The following SLC35F3 variants were observed in gnomAD, a reference collection of about 807,000 sequenced individuals.
The protein encoded by SLC35F3 is putative thiamine transporter SLC35F3.
A neutral mutation model predicts 49.9 loss-of-function variants in SLC35F3; 25 were observed. The observed-to-expected ratio is 0.50, with a 90% confidence interval of 0.37 to 0.70. The LOEUF (loss-of-function observed/expected upper bound fraction) is 0.70, where lower values mean the gene tolerates loss of function less well. Ranked by LOEUF, SLC35F3 falls within the 30% of genes least tolerant of loss-of-function variation. The pLI, the probability that SLC35F3 is intolerant of heterozygous loss-of-function variation, is 0.00. For synonymous variants in SLC35F3, 275 were observed against 265.4 expected (o/e 1.04, Z -0.35); for missense variants, 525 against 639.8 (o/e 0.82, Z 1.94).
chr1:234,298,140 G>T (rs561954), intron 3 of SLC35F3, among the ~76,000 whole-genome samples: 24,595 of 151,926 alleles, frequency 0.16, 2,117 homozygotes, highest in African/African-American at 0.2. Flanking sequence ...ATAAAGACAG[G>T]TTTTTTTTGA....
chr1:233,991,801 T>G (rs527454360), intron 2 of SLC35F3, among the ~76,000 whole-genome samples: 2 of 152,222 alleles, frequency 1.3e-5, no homozygotes, highest in South Asian at 4.1e-4. Context: ...CTTTTCATCA[T>G]CATCATCAGC....
intron 2 of SLC35F3, among the ~76,000 whole-genome samples, chr1:234,025,290 A>T (rs1327736679): frequency 6.6e-6 from 1 of 152,228 alleles, no homozygotes; most frequent in African/African-American, 2.4e-5. Context: ...ATAAGTGCAT[A>T]TGTCCTTTTG....
At chr1:234,091,489 G>A (rs1389685892) in intron 2 of SLC35F3, among the ~76,000 whole-genome samples, 1 of 152,172 alleles carries the variant, frequency 6.6e-6, no homozygotes, top group Non-Finnish European at 1.5e-5. Context: ...ACTTCTCTGA[G>A]ACCAGGGTGG....
intron 2 of SLC35F3, among the ~76,000 whole-genome samples, chr1:233,955,787 CGG>C (rs370602645): frequency 1.6e-4 from 19 of 121,826 alleles, no homozygotes; most frequent in African/African-American, 5.1e-4. Flanking sequence ...TTTTTTGAGA[CGG>C]AGTTTTGGTC....
At chr1:234,052,329 T>C (rs1345692141) in intron 2 of SLC35F3, among the ~76,000 whole-genome samples, 1 of 152,238 alleles carries the variant, frequency 6.6e-6, no homozygotes, top group Admixed American at 6.5e-5. Flanking sequence ...GTTATTGGTC[T>C]ATTCAGGGAT....
chr1:234,002,089 T>C (rs752412231), intron 2 of SLC35F3, among the ~76,000 whole-genome samples: 6 of 152,084 alleles, frequency 3.9e-5, no homozygotes, highest in Non-Finnish European at 8.8e-5. Flanking sequence ...GAACAGAGAG[T>C]CTTGCACCTC....
intron 2 of SLC35F3, among the ~76,000 whole-genome samples, chr1:233,960,938 C>T (rs571022024): frequency 2.0e-5 from 3 of 147,148 alleles, no homozygotes; most frequent in Non-Finnish European, 4.5e-5. Context: ...CTCCACACAC[C>T]TGCACCACCA....
intron 2 of SLC35F3, among the ~76,000 whole-genome samples, chr1:234,103,862 A>G (rs1227678962): frequency 6.6e-6 from 1 of 152,194 alleles, no homozygotes; most frequent in East Asian, 1.9e-4. Flanking sequence ...GATGGATGCC[A>G]CTTCTGAGCA....
intron 3 of SLC35F3, among the ~76,000 whole-genome samples, chr1:234,281,385 A>T (rs1441493786): frequency 6.6e-6 from 1 of 152,186 alleles, no homozygotes; most frequent in Non-Finnish European, 1.5e-5. Context: ...AGAATGTGTT[A>T]AGCCCCCAGT....
At chr1:234,154,361 T>C (rs1332750176) in intron 2 of SLC35F3, among the ~76,000 whole-genome samples, 2 of 152,254 alleles carry the variant, frequency 1.3e-5, no homozygotes, top group Admixed American at 1.3e-4. Flanking sequence ...GAAATCTCAA[T>C]ATGAACTCAT....
intron 3 of SLC35F3, among the ~76,000 whole-genome samples, chr1:234,288,805 C>T (rs934057425): frequency 2.6e-5 from 4 of 152,190 alleles, no homozygotes; most frequent in African/African-American, 9.6e-5. Context: ...AGGGTTCAAA[C>T]CCTTGTCTTT....
chr1:234,108,431 A>T lies in SLC35F3; in HGVS notation c.284-122986A>T, dbSNP rs1162529080. ...TATGATATATATTATTTATATATAAAAGATATATATAAAAGATATATATTA... is the reference window on the plus strand; with the variant it reads ...TATGATATATATTATTTATATATAATAGATATATATAAAAGATATATATTA... On this transcript the variant is annotated intron_variant, in intron 2 of 7. Transcript: ENST00000366618. Among the ~76,000 whole-genome samples the T allele has an allele frequency of 7.4e-5, 7 of 94,518 alleles. No homozygotes were observed. The East Asian group carries it at 0.013, about 178-fold the overall frequency. The allele number at this position is 94,518 out of a possible 152,430, so 62.0% of individuals were successfully genotyped here.
intron 2 of SLC35F3, among the ~76,000 whole-genome samples, chr1:234,096,124 T>C (rs956049513): frequency 2.6e-5 from 4 of 152,252 alleles, no homozygotes; most frequent in Non-Finnish European, 4.4e-5. Flanking sequence ...ATTTTGCTCT[T>C]TGACACTCCA....
At chr1:234,112,244 A>G (rs548808839) in intron 2 of SLC35F3, among the ~76,000 whole-genome samples, 1 of 152,300 alleles carries the variant, frequency 6.6e-6, no homozygotes, top group South Asian at 2.1e-4. Context: ...CCAGCTGCTC[A>G]GGAGGCTGAG....
chr1:234,107,355 G>T (rs1296765791), intron 2 of SLC35F3, among the ~76,000 whole-genome samples: 2 of 152,228 alleles, frequency 1.3e-5, no homozygotes, highest in Non-Finnish European at 2.9e-5. Flanking sequence ...TAACAGGGGA[G>T]TGAAGAATTG....
Position 234,108,371 on chromosome 1 carries a change from ATTAT to A in SLC35F3, c.284-123041_284-123038del, listed in dbSNP as rs1471384766. Among the ~76,000 whole-genome samples, 402 of 96,276 alleles carry A rather than the reference ATTAT, an allele frequency of 4.2e-3. 7 individuals carry two copies. Among genetic ancestry groups the A allele is most frequent in the African/African-American group, 0.013 (388 of 29,776 alleles). The allele number at this position is 96,276 out of a possible 152,430, so 63.2% of individuals were successfully genotyped here. ...ATATATATTTATATATATGATATAT[ATTAT>A]TTATATATATAAAAGATATATATTT... is the stretch of plus-strand genomic sequence containing the variant. On this transcript the variant is annotated intron_variant, in intron 2 of 7. Transcript: ENST00000366618.
At chr1:234,317,844 C>G (rs541902455) in intron 5 of SLC35F3, among the ~76,000 whole-genome samples, 1 of 152,048 alleles carries the variant, frequency 6.6e-6, no homozygotes, top group Non-Finnish European at 1.5e-5. Flanking sequence ...TAATGAGAAG[C>G]AAAAAACAGG....
At chr1:234,301,157 A>G (rs937539557) in intron 3 of SLC35F3, among the ~76,000 whole-genome samples, 1 of 152,188 alleles carries the variant, frequency 6.6e-6, no homozygotes, top group Non-Finnish European at 1.5e-5. Context: ...CTGATTAAAG[A>G]GTCATCAGCT....
At position 234,223,957 on chromosome 1, in the gene SLC35F3, T is replaced by G. The variant is rs185979362; in HGVS notation, c.284-7460T>G. On this transcript the variant is annotated intron_variant, in intron 2 of 7. Coordinates refer to ENST00000366618, the MANE Select transcript of SLC35F3 (RefSeq NM_173508.4). ...TGATGTGTGTATGGAGAGAGAGAGA[T>G]AGAAAACAAACTCCCTGATGTCTCT... Among the ~76,000 whole-genome samples the G allele has an allele frequency of 2.2e-3, 341 of 152,290 alleles. 2 individuals are homozygous for G. Among genetic ancestry groups the G allele is most frequent in the African/African-American group, 7.3e-3 (304 of 41,540 alleles).
Sources: gnomAD v4.1 joint callset for allele counts (sites outside exome capture counted in the v4.1 genomes callset) on GRCh38, gnomAD v4.1.1 for gene constraint, MANE v1.5 for transcripts, NCBI Gene and HGNC (gene_info 2026-07-23, HGNC 2026-07-21) for gene names.